PPFIA2: variants seen among roughly 807,000 people sequenced by gnomAD.
PPFIA2 encodes PPFI scaffold protein A2, also known as liprin-alpha-2.
PPFIA2 carries 46 observed loss-of-function variants against 175.5 expected under a neutral mutation model. The ratio of observed to expected loss-of-function variants is 0.26; its 90% CI spans 0.21 to 0.34. The LOEUF is 0.34. Ranked by LOEUF, PPFIA2 falls within the 10% of genes least tolerant of loss-of-function variation. The pLI, the probability that PPFIA2 is intolerant of heterozygous loss-of-function variation, is 1.00. For missense variants in PPFIA2, 1,179 were observed against 1,506.1 expected (o/e 0.78, Z 3.60); for synonymous variants, 568 against 511.4 (o/e 1.11, Z -1.49).
At chr12:81,311,353 C>A (rs1480294960) in intron 22 of PPFIA2, among the ~76,000 whole-genome samples, 1 of 152,130 alleles carries the variant, frequency 6.6e-6, no homozygotes, top group Non-Finnish European at 1.5e-5. Flanking sequence ...CAGGGAAGAA[C>A]AGCATTTAAC....
intron 4 of PPFIA2, among the ~76,000 whole-genome samples, chr12:81,484,793 T>C (rs2058642305): frequency 6.6e-6 from 1 of 151,946 alleles, no homozygotes; most frequent in South Asian, 2.1e-4. Flanking sequence ...TAAATTCCCA[T>C]ATTTCTATTA....
At chr12:81,728,161 A>T (rs1289048397) in intron 3 of PPFIA2, among the ~76,000 whole-genome samples, 4 of 150,946 alleles carry the variant, frequency 2.6e-5, no homozygotes, top group Non-Finnish European at 6.0e-5. Context: ...AAAGGCTGAC[A>T]CAGTCTCTGC....
intron 4 of PPFIA2, among the ~76,000 whole-genome samples, chr12:81,471,813 C>G (rs1196853358): frequency 2.6e-5 from 4 of 151,988 alleles, no homozygotes; most frequent in African/African-American, 9.7e-5. Flanking sequence ...CATTTGTTTT[C>G]TTTTGCTTTT....
At chr12:81,278,835 A>C (rs144795641) in intron 27 of PPFIA2, among the ~76,000 whole-genome samples, 2 of 152,354 alleles carry the variant, frequency 1.3e-5, no homozygotes, top group Admixed American at 6.5e-5. Flanking sequence ...TTACATGTTT[A>C]GGAATATAAG....
chr12:81,565,939 A>G (rs1595021963), intron 4 of PPFIA2, among the ~76,000 whole-genome samples: 2 of 152,236 alleles, frequency 1.3e-5, no homozygotes, highest in Admixed American at 6.5e-5. Context: ...CCAGAGGCAG[A>G]CCAGAATTTG....
chr12:81,738,675 A>T lies in PPFIA2; in HGVS notation c.249+15298T>A, dbSNP rs546514340. 6.0e-5 allele frequency among the ~76,000 whole-genome samples: 9 copies of T among 148,928 alleles called. No individual in the cohort carries two copies. In the East Asian group the frequency reaches 7.9e-4, roughly 13 times the overall value. On this transcript the variant is annotated intron_variant, in intron 3 of 32. Coordinates refer to ENST00000549396, the MANE Select transcript of PPFIA2 (RefSeq NM_003625.5). Reference sequence around the variant, plus strand: ...AAATGGTGGCATGAAAGGTTGATTTAAAAAAAAAACACAGGATAGGAAAAA... The same window carrying T: ...AAATGGTGGCATGAAAGGTTGATTTTAAAAAAAAACACAGGATAGGAAAAA...
At chr12:81,481,847 T>C (rs2058267106) in intron 4 of PPFIA2, among the ~76,000 whole-genome samples, 1 of 152,104 alleles carries the variant, frequency 6.6e-6, no homozygotes, top group Non-Finnish European at 1.5e-5. Context: ...ACTTCATGAC[T>C]GAAACACCAA....
chr12:81,597,703 T>C (rs2059389618), intron 4 of PPFIA2, among the ~76,000 whole-genome samples: 1 of 150,846 alleles, frequency 6.6e-6, no homozygotes, highest in Non-Finnish European at 1.5e-5. Context: ...AGGATGACAC[T>C]GTAGCAGATT....
chr12:81,575,269 A>G (rs921747324), intron 4 of PPFIA2, among the ~76,000 whole-genome samples: 6 of 152,010 alleles, frequency 3.9e-5, no homozygotes, highest in Non-Finnish European at 8.8e-5. Flanking sequence ...TAGATGGTGA[A>G]TGTAATCGTT....
intron 4 of PPFIA2, among the ~76,000 whole-genome samples, chr12:81,495,460 T>C (rs947501478): frequency 5.3e-5 from 8 of 152,158 alleles, no homozygotes; most frequent in Non-Finnish European, 1.2e-4. Context: ...AGCCACTTAC[T>C]GATCACCTAA....
chr12:81,290,721 G>A (rs1372370023), intron 24 of PPFIA2, among the ~76,000 whole-genome samples: 1 of 151,622 alleles, frequency 6.6e-6, no homozygotes, highest in Non-Finnish European at 1.5e-5. Context: ...TGTTGACAAA[G>A]GGAGAAAAAA....
chr12:81,269,725 A>G (rs1338902643), intron 28 of PPFIA2, among the ~76,000 whole-genome samples: 1 of 152,162 alleles, frequency 6.6e-6, no homozygotes, highest in African/African-American at 2.4e-5. Context: ...AAAATCACCC[A>G]ATATGTACTT....
intron 4 of PPFIA2, among the ~76,000 whole-genome samples, chr12:81,613,245 A>C (rs2061110799): frequency 6.6e-6 from 1 of 152,176 alleles, no homozygotes; most frequent in Non-Finnish European, 1.5e-5. Flanking sequence ...ACATAGTTCC[A>C]GAGTTTAAAA....
At chr12:81,506,046 G>T (rs1349068811) in intron 4 of PPFIA2, 3 of 152,168 alleles carry the variant, frequency 2.0e-5, no homozygotes, top group African/African-American at 4.8e-5. Flanking sequence ...CGTCCCTGAT[G>T]TACAGTAAGC....
intron 4 of PPFIA2, among the ~76,000 whole-genome samples, chr12:81,464,477 T>G (rs552985546): frequency 2.0e-3 from 300 of 152,270 alleles, no homozygotes; most frequent in African/African-American, 6.8e-3. Context: ...CACTCTTTTG[T>G]GCTGACTTCT....
At chr12:81,401,221 G>A (rs1780516221) in intron 8 of PPFIA2, among the ~76,000 whole-genome samples, 1 of 151,532 alleles carries the variant, frequency 6.6e-6, no homozygotes, top group Non-Finnish European at 1.5e-5. Flanking sequence ...CCTTTAATAA[G>A]GTTGCCACTA....
intron 4 of PPFIA2, among the ~76,000 whole-genome samples, chr12:81,563,092 C>CTA (rs915767515): frequency 6.6e-6 from 1 of 151,872 alleles, no homozygotes; most frequent in African/African-American, 2.4e-5. Context: ...GTCCTCTTTT[C>CTA]TATATATATG....
chr12:81,312,328 C>A (rs1258426179), intron 22 of PPFIA2: 6 of 677,528 alleles, frequency 8.9e-6, no homozygotes, highest in Non-Finnish European at 1.5e-5. Flanking sequence ...TGTATTTCAT[C>A]ATGACACACA....
At chr12:81,426,301 T>C (rs1166790860) in intron 7 of PPFIA2, among the ~76,000 whole-genome samples, 1 of 152,226 alleles carries the variant, frequency 6.6e-6, no homozygotes, top group African/African-American at 2.4e-5. Flanking sequence ...CATCCTGGAC[T>C]CTGCACTTTG....
Sources: gnomAD v4.1 joint callset for allele counts (sites outside exome capture counted in the v4.1 genomes callset) on GRCh38, gnomAD v4.1.1 for gene constraint, MANE v1.5 for transcripts, NCBI Gene and HGNC (gene_info 2026-07-23, HGNC 2026-07-21) for gene names.